The following CADPS variants were observed in gnomAD, a reference collection of about 807,000 sequenced individuals.
The protein encoded by CADPS is calcium-dependent secretion activator 1.
Under a neutral mutation model 167.3 loss-of-function variants are expected in CADPS, and 57 were observed. The ratio of observed to expected loss-of-function variants is 0.34; its 90% CI spans 0.28 to 0.42. The LOEUF (loss-of-function observed/expected upper bound fraction) is 0.42. Ranked by LOEUF, CADPS falls within the 20% of genes least tolerant of loss-of-function variation. CADPS has a pLI of 1.00. For synonymous variants in CADPS, 676 were observed against 635.3 expected, an observed-to-expected ratio of 1.06 and a Z score of -0.96; for missense variants, 1,414 against 1,738.1, an observed-to-expected ratio of 0.81 and a Z score of 3.32.
At chr3:62,857,231 T>G (rs2079885422) in intron 1 of CADPS, among the ~76,000 whole-genome samples, 1 of 152,058 alleles carries the variant, frequency 6.6e-6, no homozygotes, top group Non-Finnish European at 1.5e-5. Flanking sequence ...AAATACAGAA[T>G]TTTAAAAATA....
At position 62,578,609 on chromosome 3, in the gene CADPS, CAAAAAAAT is replaced by C. The variant is rs1361753237; in HGVS notation, c.1577+6568_1577+6575del. 1.4e-3 allele frequency among the ~76,000 whole-genome samples: 96 copies of C among 66,958 alleles called. 5 individuals are homozygous for C. Among genetic ancestry groups the C allele is most frequent in the Admixed American group, 1.9e-3 (11 of 5,728 alleles). The allele number at this position is 66,958 out of a possible 152,430, so 43.9% of individuals were successfully genotyped here. ...TGGGTGACAGAGCAAGACTCCGTCT[CAAAAAAAT>C]AAAAAAAAAAAAAAGACTTAACAAT... On this transcript the variant is annotated intron_variant, in intron 8 of 29. Coordinates refer to ENST00000383710, the MANE Select transcript of CADPS (RefSeq NM_003716.4).
chr3:62,427,074 CAAA>C (rs58024853), intron 28 of CADPS, among the ~76,000 whole-genome samples: 8 of 102,564 alleles, frequency 7.8e-5, no homozygotes, highest in African/African-American at 8.0e-5. Context: ...GACTCCGTAT[CAAA>C]AAAAAAAAAA....
At chr3:62,485,869 A>G (rs1036609673) in intron 21 of CADPS, among the ~76,000 whole-genome samples, 1 of 152,192 alleles carries the variant, frequency 6.6e-6, no homozygotes. Context: ...CTTGTTTGAC[A>G]AGGTAGGATA....
intron 1 of CADPS, among the ~76,000 whole-genome samples, chr3:62,837,131 T>G (rs1021381618): frequency 2.6e-5 from 4 of 152,216 alleles, no homozygotes; most frequent in Non-Finnish European, 4.4e-5. Flanking sequence ...TTCTATCACA[T>G]TCTATGTGCC....
intron 1 of CADPS, among the ~76,000 whole-genome samples, chr3:62,828,023 T>C (rs1305576272): frequency 6.6e-6 from 1 of 152,180 alleles, no homozygotes; most frequent in Non-Finnish European, 1.5e-5. Flanking sequence ...AGAGAACTTC[T>C]GTATTTTGGC....
rs770554516 is a variant in CADPS, at chr3:62,465,448, G to A, written c.3555C>T (p.Phe1185=). Residue 1185 remains phenylalanine, a splice_region_variant and synonymous_variant, in exon 26 of 30, where the codon TTC becomes TTT. Transcript: ENST00000383710. The surrounding 1 kb of genome is among the most constrained non-coding windows in gnomAD (Gnocchi z 4.1). ...KEMITLLVAK[F]VTILEGVLAK... Reference sequence around the variant, plus strand: ...CCAGCACTCCTTCCAAGATAGTAACGAACTAGAAAAACAGCAAAAAAGAAA... The same window carrying A: ...CCAGCACTCCTTCCAAGATAGTAACAAACTAGAAAAACAGCAAAAAAGAAA... 1.4e-5 allele frequency: 22 copies of A among 1,595,046 alleles called. No homozygotes were observed. The highest frequency in any genetic ancestry group is 2.3e-5 in the South Asian group (2 of 86,932).
chr3:62,649,541 GTCTTTTTTTTTTTTTTTT>G (rs1417051455), intron 5 of CADPS, among the ~76,000 whole-genome samples: 2 of 75,004 alleles, frequency 2.7e-5, no homozygotes, highest in African/African-American at 9.6e-5. Flanking sequence ...ACAATATGTG[GTCTTTTTTTTTTTTTTTT>G]TTTTTTTTTT....
chr3:62,847,388 A>T (rs1273741347), intron 1 of CADPS, among the ~76,000 whole-genome samples: 1 of 94,688 alleles, frequency 1.1e-5, no homozygotes, highest in Non-Finnish European at 2.0e-5. Context: ...CTAACTCGTC[A>T]TCTAGCATTA....
In CADPS at chr3:62,834,281, A is replaced by G. The variant is rs189362021; in HGVS notation, c.441+40308T>C. Among the ~76,000 whole-genome samples, 557 of 152,186 alleles carry G rather than the reference A, an allele frequency of 3.7e-3. 6 individuals carry two copies. The highest frequency in any genetic ancestry group is 0.013 in the African/African-American group (536 of 41,526). ...GGGGCACCTCCAAGCTTACATTTCC[A>G]TAAGTGGGACAAGCTGGTGGCTTTC... On this transcript the variant is annotated intron_variant, in intron 1 of 29. Transcript: ENST00000383710.
At position 62,722,050 on chromosome 3, in the gene CADPS, C is replaced by T. The variant is rs371397875; in HGVS notation, c.888+31391G>A. 1.6e-4 allele frequency among the ~76,000 whole-genome samples: 24 copies of T among 152,372 alleles called. No homozygotes were observed. In the East Asian group the frequency reaches 2.9e-3, roughly 18 times the overall value. On this transcript the variant is annotated intron_variant, in intron 3 of 29. Transcript: ENST00000383710. ...GCATCTCCTCATTCAGTGCTCATAA[C>T]CACCTGATGGGGTTGGCACTGTCAT...
At chr3:62,618,098 A>C (rs1321287063) in intron 6 of CADPS, among the ~76,000 whole-genome samples, 1 of 152,116 alleles carries the variant, frequency 6.6e-6, no homozygotes, top group East Asian at 1.9e-4. Flanking sequence ...GTCAGCCACA[A>C]AATTTAGGCT....
intron 1 of CADPS, among the ~76,000 whole-genome samples, chr3:62,872,922 T>C (rs560433653): frequency 2.0e-5 from 3 of 152,354 alleles, no homozygotes; most frequent in South Asian, 4.1e-4. Flanking sequence ...TTGAAGTTCC[T>C]ATGCTGTAAA....
chr3:62,618,814 T>G (rs140093160), intron 6 of CADPS, among the ~76,000 whole-genome samples: 1 of 152,202 alleles, frequency 6.6e-6, no homozygotes, highest in Non-Finnish European at 1.5e-5. Context: ...AAAACTAAAA[T>G]TTCCTTTATG....
At chr3:62,752,977 A>G (rs2083027834) in intron 3 of CADPS, among the ~76,000 whole-genome samples, 1 of 152,238 alleles carries the variant, frequency 6.6e-6, no homozygotes, top group Admixed American at 6.5e-5. Flanking sequence ...TGATGTGACT[A>G]ATATACAGGT....
chr3:62,590,813 A>G (rs1416536076), intron 7 of CADPS, among the ~76,000 whole-genome samples: 2 of 152,104 alleles, frequency 1.3e-5, no homozygotes, highest in Non-Finnish European at 2.9e-5. Flanking sequence ...GTGATTACAC[A>G]TTAAACCAGA....
chr3:62,854,812 G>A (rs1041061108), intron 1 of CADPS, among the ~76,000 whole-genome samples: 1 of 152,058 alleles, frequency 6.6e-6, no homozygotes, highest in Non-Finnish European at 1.5e-5. Flanking sequence ...TAGAGATGGA[G>A]TGCTAGTTTT....
At chr3:62,826,546 G>A (rs953248718) in intron 1 of CADPS, among the ~76,000 whole-genome samples, 2 of 152,160 alleles carry the variant, frequency 1.3e-5, no homozygotes, top group Non-Finnish European at 2.9e-5. Flanking sequence ...AAGAAGGGCA[G>A]AAAGTGGTCT....
rs756511071 is a variant in CADPS, at chr3:62,518,284, C to G, written c.2292-34G>C. 5 of 1,471,316 alleles carry G rather than the reference C, an allele frequency of 3.4e-6. No individual in the cohort carries two copies. In the Admixed American group the frequency reaches 8.6e-5, roughly 25 times the overall value. 91.1% of individuals were successfully genotyped at this position (1,471,316 alleles called of 1,614,324 possible). A position where few individuals can be genotyped will look rare whatever the true frequency, so the allele number is the denominator to read the frequency against. ...AGACATGTCATGAAATGACGGGAAC[C>G]TCATATGCTGACACCATCAAATCAA... On this transcript the variant is annotated intron_variant, in intron 13 of 29. Transcript: ENST00000383710.
chr3:62,531,072 T>C (rs2073555826), intron 13 of CADPS, among the ~76,000 whole-genome samples: 2 of 152,196 alleles, frequency 1.3e-5, no homozygotes, highest in Admixed American at 1.3e-4. Context: ...CAAGTGGCAG[T>C]CTTACAATAT....
Sources: allele counts gnomAD v4.1 joint callset (sites outside exome capture counted in the v4.1 genomes callset), GRCh38; gene constraint gnomAD v4.1.1; non-coding constraint Gnocchi (gnomAD v3.1); transcripts MANE v1.5; gene names NCBI Gene and HGNC (gene_info 2026-07-23, HGNC 2026-07-21).